Variants in ATG7 observed in about 807,000 individuals in gnomAD.
ATG7 encodes the protein autophagy related 7.
ATG7 carries 70 observed loss-of-function variants against 82.4 expected under a neutral mutation model. The observed-to-expected ratio is 0.85, with a 90% CI of 0.70 to 1.04. The LOEUF (loss-of-function observed/expected upper bound fraction) is 1.04. ATG7 is among the 50% of genes least tolerant of loss of function. The pLI is 0.00. For missense variants in ATG7, 792 were observed against 864.3 expected, an observed-to-expected ratio of 0.92 and a Z score of 1.05; for synonymous variants, 287 against 313.0, an observed-to-expected ratio of 0.92 and a Z score of 0.88.
chr3:11,425,836 C>CT (rs1246824052), intron 19 of ATG7, among the ~76,000 whole-genome samples: 1 of 152,152 alleles, frequency 6.6e-6, no homozygotes, highest in Non-Finnish European at 1.5e-5. Context: ...TAGCCACTAT[C>CT]TTTTCTCCTA....
At chr3:11,561,760 G>C (rs1047099537), downstream of ATG7, among the ~76,000 whole-genome samples, 1 of 152,090 alleles carries the variant, frequency 6.6e-6, no homozygotes, top group Admixed American at 6.5e-5. Flanking sequence ...GCCAGTATGA[G>C]CCCTGTCACT....
downstream of ATG7, chr3:11,558,236 A>C: frequency 3.7e-5 from 15 of 400,812 alleles, no homozygotes; most frequent in Middle Eastern, 7.0e-4. Context: ...GTGACTGAGA[A>C]AGCGCTGTGG....
At position 11,399,326 on chromosome 3, in the gene ATG7, C is replaced by G. The variant is rs543166245; in HGVS notation, c.1956+19274C>G. Reference sequence around the variant, plus strand: ...TGGTGCCACTCTACTCCAGCCTGGGCAAAAGAGTGAGACACTGTCTCAAAA... The same window carrying G: ...TGGTGCCACTCTACTCCAGCCTGGGGAAAAGAGTGAGACACTGTCTCAAAA... On this transcript the variant is annotated intron_variant, in intron 19 of 20. Transcript: ENST00000693202. Among the ~76,000 whole-genome samples the G allele has an allele frequency of 3.3e-5, 5 of 152,076 alleles. No homozygotes were observed. In the East Asian group the frequency reaches 9.7e-4, roughly 29 times the overall value.
intron 3 of ATG7, among the ~76,000 whole-genome samples, chr3:11,284,991 C>T (rs1208651300): frequency 2.0e-5 from 3 of 151,446 alleles, no homozygotes; most frequent in Admixed American, 1.3e-4. Context: ...GGACTATAGG[C>T]GCCCGCCACC....
chr3:11,364,627 A>G (rs766132668), intron 17 of ATG7, 32 bp from the exon 18 acceptor site: 1 of 1,609,316 alleles, frequency 6.2e-7, no homozygotes, highest in South Asian at 1.1e-5. Flanking sequence ...ACTTGGATTA[A>G]ATGAGCAGCT....
chr3:11,430,346 C>T (rs1021466637), intron 20 of ATG7, among the ~76,000 whole-genome samples: 7 of 151,958 alleles, frequency 4.6e-5, no homozygotes, highest in Admixed American at 6.6e-5. Flanking sequence ...TATACCTTTA[C>T]GTATATCTGT....
At chr3:11,481,501 C>G (rs2088970216) in intron 20 of ATG7, among the ~76,000 whole-genome samples, 1 of 152,142 alleles carries the variant, frequency 6.6e-6, no homozygotes, top group Non-Finnish European at 1.5e-5. Context: ...CGTGCAGGTG[C>G]TGAGGTCATT....
At chr3:11,425,442 T>C (rs1273341755) in intron 19 of ATG7, among the ~76,000 whole-genome samples, 1 of 152,248 alleles carries the variant, frequency 6.6e-6, no homozygotes, top group Non-Finnish European at 1.5e-5. Flanking sequence ...TTATGCATTG[T>C]TGATTTCTTA....
chr3:11,373,467 G>A (rs926314188), intron 18 of ATG7, among the ~76,000 whole-genome samples: 1 of 152,200 alleles, frequency 6.6e-6, no homozygotes, highest in Admixed American at 6.5e-5. Flanking sequence ...TTGCTTGCCT[G>A]ATGGGAACCA....
intron 20 of ATG7, among the ~76,000 whole-genome samples, chr3:11,548,717 A>G (rs1216932731): frequency 6.6e-6 from 1 of 152,212 alleles, no homozygotes; most frequent in African/African-American, 2.4e-5. Flanking sequence ...ACTGTGTTTC[A>G]GGGCCACAGT....
At chr3:11,539,516 CT>C (rs2070644334) in intron 20 of ATG7, among the ~76,000 whole-genome samples, 2 of 61,850 alleles carry the variant, frequency 3.2e-5, no homozygotes, top group South Asian at 1.9e-3. Context: ...GAAATAAGAC[CT>C]CTAACTAAAT....
chr3:11,469,988 CAAAAAAAAAAA>C (rs10628540), intron 20 of ATG7, among the ~76,000 whole-genome samples: 3 of 87,544 alleles, frequency 3.4e-5, no homozygotes, highest in South Asian at 7.1e-4. Context: ...GACTCCATCT[CAAAAAAAAAAA>C]AAAAAAAAAA....
intron 20 of ATG7, among the ~76,000 whole-genome samples, chr3:11,478,025 G>A (rs2088463217): frequency 6.6e-6 from 1 of 151,974 alleles, no homozygotes; most frequent in Admixed American, 6.6e-5. Flanking sequence ...ACCCATCCCT[G>A]GACTAATTCC....
At chr3:11,282,036 GTC>G (rs1293767741) in intron 2 of ATG7, among the ~76,000 whole-genome samples, 155 bp from the exon 3 acceptor site, 6 of 152,296 alleles carry the variant, frequency 3.9e-5, no homozygotes, top group Non-Finnish European at 8.8e-5. Flanking sequence ...CCAGGTGGGT[GTC>G]TCTCAGATGA....
chr3:11,438,072 T>C (rs1329386326), intron 20 of ATG7, among the ~76,000 whole-genome samples: 1 of 152,220 alleles, frequency 6.6e-6, no homozygotes, highest in Admixed American at 6.5e-5. Flanking sequence ...AGCATATCTT[T>C]TTAATTCCCT....
At chr3:11,333,204 C>T (rs1951897535) in intron 11 of ATG7, 111 bp downstream of exon 11, 1 of 1,346,328 alleles carries the variant, frequency 7.4e-7, no homozygotes. Flanking sequence ...GAGAAAAGTA[C>T]AACTTGTACC....
At chr3:11,514,229 G>A (rs551365995) in intron 20 of ATG7, among the ~76,000 whole-genome samples, 5 of 152,332 alleles carry the variant, frequency 3.3e-5, no homozygotes, top group African/African-American at 1.2e-4. Flanking sequence ...GTTGAGTCAA[G>A]ATTGGAATCT....
At chr3:11,487,085 C>T (rs2089768742) in intron 20 of ATG7, among the ~76,000 whole-genome samples, 1 of 150,228 alleles carries the variant, frequency 6.7e-6, no homozygotes, top group East Asian at 2.0e-4. Flanking sequence ...GCACATCTTG[C>T]ACCGCCCTTA....
chr3:11,504,321 A>G (rs1361100073), intron 20 of ATG7, among the ~76,000 whole-genome samples: 1 of 152,256 alleles, frequency 6.6e-6, no homozygotes, highest in East Asian at 1.9e-4. Flanking sequence ...GAATATGAAC[A>G]TAGAATAGAT....
Sources: gnomAD v4.1 joint callset for allele counts (sites outside exome capture counted in the v4.1 genomes callset) on GRCh38, gnomAD v4.1.1 for gene constraint, MANE v1.5 for transcripts, NCBI Gene and HGNC (gene_info 2026-07-23, HGNC 2026-07-21) for gene names.